The following PIEZO2 variants were observed in gnomAD, a reference collection of about 807,000 sequenced individuals.
PIEZO2 encodes the protein piezo-type mechanosensitive ion channel component 2.
In PIEZO2, 172 loss-of-function variants were observed where a neutral mutation model predicts 337.3. The ratio of observed to expected loss-of-function variants is 0.51; its 90% CI spans 0.45 to 0.58. The LOEUF (loss-of-function observed/expected upper bound fraction) is 0.58, where lower values mean the gene tolerates loss of function less well. Ranked by LOEUF, PIEZO2 falls within the 20% of genes least tolerant of loss-of-function variation. The pLI, the probability that PIEZO2 is intolerant of heterozygous loss-of-function variation, is 0.00. For missense variants in PIEZO2, 3,028 were observed against 3,391.3 expected (o/e 0.89, Z 2.66); for synonymous variants, 1,251 against 1,228.5 (o/e 1.02, Z -0.38).
chr18:11,095,100 T>A (rs1409771705), intron 1 of PIEZO2, among the ~76,000 whole-genome samples: 2 of 152,228 alleles, frequency 1.3e-5, no homozygotes, highest in African/African-American at 4.8e-5. Context: ...TGAGTTCTTT[T>A]GAATGGCGGA....
At chr18:10,756,003 ATGGAGAATGAGGAGGAG>A (rs2037826384) in intron 27 of PIEZO2, among the ~76,000 whole-genome samples, 1 of 89,814 alleles carries the variant, frequency 1.1e-5, no homozygotes, top group Non-Finnish European at 2.8e-5. Context: ...AGGAGGAGGG[ATGGAGAATGAGGAGGAG>A]GGATGGGGAT....
rs545276158 is a variant in PIEZO2 at position 10,980,419 on chromosome 18, T to G, written c.161-759A>C. Among the ~76,000 whole-genome samples the G allele has an allele frequency of 6.6e-6, 1 of 152,252 alleles. No homozygotes were observed. Among genetic ancestry groups the G allele is most frequent in the Non-Finnish European group, 1.5e-5 (1 of 68,000 alleles). ...TTTATAATAAAGCAAACATCCTGTT[T>G]ATAGTGGAATTTTAGACTTAGTCCC... is the stretch of plus-strand genomic sequence containing the variant. On this transcript the variant is annotated intron_variant, in intron 2 of 55. Coordinates refer to ENST00000674853, the MANE Select transcript of PIEZO2 (RefSeq NM_001378183.1). This position sits in a 1 kb window ranked among gnomAD's most constrained non-coding sequence, Gnocchi z 4.8.
chr18:10,995,684 AACTG>A (rs2035295147), intron 2 of PIEZO2, among the ~76,000 whole-genome samples: 1 of 152,218 alleles, frequency 6.6e-6, no homozygotes, highest in Non-Finnish European at 1.5e-5. Context: ...TGCAACTGTT[AACTG>A]TCAGTCAAAG....
chr18:10,804,248 ATCCACAGCTTT>A (rs1318548818), intron 8 of PIEZO2, among the ~76,000 whole-genome samples: 1 of 152,264 alleles, frequency 6.6e-6, no homozygotes, highest in Non-Finnish European at 1.5e-5. Flanking sequence ...ATTGTTAAAT[ATCCACAGCTTT>A]TCCACGTGCA....
intron 30 of PIEZO2, among the ~76,000 whole-genome samples, chr18:10,745,389 C>T (rs1274383244): frequency 6.6e-6 from 1 of 152,178 alleles, no homozygotes; most frequent in Non-Finnish European, 1.5e-5. Flanking sequence ...GACCACATCC[C>T]ACATTTTCCT....
intron 7 of PIEZO2, among the ~76,000 whole-genome samples, chr18:10,814,350 C>T (rs1239319664): frequency 2.0e-5 from 3 of 152,174 alleles, no homozygotes; most frequent in South Asian, 2.1e-4. Context: ...TTTTAGGAAG[C>T]CAGGAAATAT....
At chr18:10,774,808 A>G (rs117912689) in intron 18 of PIEZO2, among the ~76,000 whole-genome samples, 7,868 of 152,290 alleles carry the variant, frequency 0.052, 266 homozygotes, top group Non-Finnish European at 0.065. Context: ...ATCATAGTTA[A>G]TCCAGAAATT....
chr18:10,966,092 C>A (rs528167270), intron 3 of PIEZO2, among the ~76,000 whole-genome samples: 1 of 152,294 alleles, frequency 6.6e-6, no homozygotes, highest in African/African-American at 2.4e-5. Context: ...AAGTGTCCAA[C>A]CAGGTCCCTC....
At position 10,837,086 on chromosome 18, in the gene PIEZO2, G is replaced by A. The variant is rs1370299954; in HGVS notation, c.917+18267C>T. On this transcript the variant is annotated intron_variant, in intron 7 of 55. Coordinates refer to ENST00000674853, the MANE Select transcript of PIEZO2 (RefSeq NM_001378183.1). The surrounding 1 kb of genome is among the most constrained non-coding windows in gnomAD (Gnocchi z 4.4). Reference sequence around the variant, plus strand: ...TCATAACCTGTATGTTAGTTTCTTAGGCAAAGAAACACTCTTCGCACAGGG... The same window carrying A: ...TCATAACCTGTATGTTAGTTTCTTAAGCAAAGAAACACTCTTCGCACAGGG... Among the ~76,000 whole-genome samples the A allele has an allele frequency of 2.0e-5, 3 of 151,982 alleles. No individual in the cohort carries two copies. The highest frequency in any genetic ancestry group is 7.3e-5 in the African/African-American group (3 of 41,370).
intron 23 of PIEZO2, among the ~76,000 whole-genome samples, chr18:10,761,735 A>C (rs1184695464): frequency 1.3e-5 from 2 of 152,206 alleles, no homozygotes; most frequent in African/African-American, 4.8e-5. Flanking sequence ...CTGGTACAAA[A>C]GATATCTACC....
At position 10,762,701 on chromosome 18, in the gene PIEZO2, C is replaced by T. The variant is rs9951309; in HGVS notation, c.3124-76G>A. On this transcript the variant is annotated intron_variant, in intron 22 of 55. Coordinates refer to ENST00000674853, the MANE Select transcript of PIEZO2 (RefSeq NM_001378183.1). Reference sequence around the variant, plus strand: ...GAGCTCAGGTTATTTCTTCTTCAGCCTTGAGCAAAATGATAGTGGTAGGAT... The same window carrying T: ...GAGCTCAGGTTATTTCTTCTTCAGCTTTGAGCAAAATGATAGTGGTAGGAT... 13,904 of 1,482,146 alleles carry T rather than the reference C, an allele frequency of 9.4e-3. 650 individuals are homozygous for T. In the African/African-American group the frequency reaches 0.12, roughly 13 times the overall value. 91.8% of individuals were successfully genotyped at this position (1,482,146 alleles called of 1,614,324 possible).
rs79268258 is a variant in PIEZO2, at chr18:10,763,851, G to T, written c.2947-753C>A. On this transcript the variant is annotated intron_variant, in intron 21 of 55. Coordinates refer to ENST00000674853, the MANE Select transcript of PIEZO2 (RefSeq NM_001378183.1). ...CCCAGGGAAGATGGGGAGGAGGCGC[G>T]GATTCAACATGGGAGGCAAAATTAG... 3.9e-3 allele frequency among the ~76,000 whole-genome samples: 600 copies of T among 152,278 alleles called. 12 individuals are homozygous for T. In the East Asian group the frequency reaches 0.043, roughly 11 times the overall value.
intron 1 of PIEZO2, among the ~76,000 whole-genome samples, chr18:11,137,291 A>C (rs960148934): frequency 6.6e-6 from 1 of 152,200 alleles, no homozygotes; most frequent in African/African-American, 2.4e-5. Context: ...GCAAGTCCTA[A>C]GTGTATGTAC....
rs1598880718 is a variant in PIEZO2, at chr18:11,048,740, T to A, written c.160+17387A>T. ...TTCCTTATCTGTAAAACATAAATAATACTATACCTGTCTCATGGGTATGGA... is the reference window on the plus strand; with the variant it reads ...TTCCTTATCTGTAAAACATAAATAAAACTATACCTGTCTCATGGGTATGGA... On this transcript the variant is annotated intron_variant, in intron 2 of 55. Transcript: ENST00000674853. The surrounding 1 kb of genome is among the most constrained non-coding windows in gnomAD (Gnocchi z 4.5). Among the ~76,000 whole-genome samples the A allele has an allele frequency of 6.6e-6, 1 of 152,338 alleles. No homozygotes were observed. Among genetic ancestry groups the A allele is most frequent in the East Asian group, 1.9e-4 (1 of 5,176 alleles).
At chr18:10,817,236 T>TA (rs199940236) in intron 7 of PIEZO2, among the ~76,000 whole-genome samples, 2,259 of 152,306 alleles carry the variant, frequency 0.015, 29 homozygotes, top group Middle Eastern at 0.088. Flanking sequence ...AGTTCCCTTA[T>TA]AAAAAACATA....
rs2041922693 is a variant in PIEZO2, at chr18:10,863,258, C to T, written c.493-6047G>A. ...AGATGAATTTCATCCCCAGGGTTCC[C>T]TTGTGAAAGGAAGCAGTGAGGGAAA... On this transcript the variant is annotated intron_variant, in intron 5 of 55. Transcript: ENST00000674853. This position sits in a 1 kb window ranked among gnomAD's most constrained non-coding sequence, Gnocchi z 4.3. Among the ~76,000 whole-genome samples the T allele has an allele frequency of 6.6e-6, 1 of 152,152 alleles. No homozygotes were observed. Among genetic ancestry groups the T allele is most frequent in the African/African-American group, 2.4e-5 (1 of 41,414 alleles).
chr18:11,143,851 G>A lies in PIEZO2; in HGVS notation c.64+4674C>T, dbSNP rs535718664. On this transcript the variant is annotated intron_variant, in intron 1 of 55. Transcript: ENST00000674853. This position sits in a 1 kb window ranked among gnomAD's most constrained non-coding sequence, Gnocchi z 4.9. ...CTCATCTTCATAAAGGTAAGGCAGC[G>A]CCTGCTGTGTGTCAGGCTTTATACA... is the stretch of plus-strand genomic sequence containing the variant. Among the ~76,000 whole-genome samples, 68 of 152,308 alleles carry A rather than the reference G, an allele frequency of 4.5e-4. No individual in the cohort carries two copies. Among genetic ancestry groups the A allele is most frequent in the African/African-American group, 1.5e-3 (64 of 41,570 alleles).
At position 10,791,139 on chromosome 18, in the gene PIEZO2, G is replaced by A. The variant is rs917518038; in HGVS notation, c.1882+62C>T. 2.4e-5 allele frequency: 35 copies of A among 1,434,866 alleles called. No individual in the cohort carries two copies. In the African/African-American group the frequency reaches 3.5e-4, roughly 14 times the overall value. The allele number at this position is 1,434,866 out of a possible 1,614,324, so 88.9% of individuals were successfully genotyped here. A position where few individuals can be genotyped will look rare whatever the true frequency, so the allele number is the denominator to read the frequency against. On this transcript the variant is annotated intron_variant, in intron 14 of 55. Transcript: ENST00000674853. ...CTGAAGCTGTCTGATGTATTTTGGG[G>A]CTCTTTCTCTGTAATTTTGCTGAGC...
chr18:10,958,105 G>A (rs1011878763), intron 3 of PIEZO2, among the ~76,000 whole-genome samples: 1 of 152,126 alleles, frequency 6.6e-6, no homozygotes, highest in African/African-American at 2.4e-5. Flanking sequence ...GCAGTGTAGT[G>A]GCTCCTCAAA....
Sources: gnomAD v4.1 joint callset for allele counts (sites outside exome capture counted in the v4.1 genomes callset) on GRCh38, gnomAD v4.1.1 for gene constraint, Gnocchi (gnomAD v3.1) non-coding constraint, MANE v1.5 for transcripts, NCBI Gene and HGNC (gene_info 2026-07-23, HGNC 2026-07-21) for gene names.